SPTB: variants seen among roughly 807,000 people sequenced by gnomAD.
SPTB encodes spectrin beta, erythrocytic, also known as spectrin beta chain, erythrocytic.
In SPTB, 45 loss-of-function variants were observed where a neutral mutation model predicts 256.2. That is an observed-to-expected ratio of 0.18 (90% CI 0.14 to 0.23). SPTB has a LOEUF of 0.23. SPTB is among the 10% of genes least tolerant of loss of function. The probability of loss-of-function intolerance (pLI) is 1.00; values close to 1 mark genes in which losing one functional copy is unlikely to be tolerated. For synonymous variants in SPTB, 1,231 were observed against 1,243.1 expected, an observed-to-expected ratio of 0.99 and a Z score of 0.21; for missense variants, 2,715 against 3,040.4, an observed-to-expected ratio of 0.89 and a Z score of 2.52.
intron 2 of SPTB, among the ~76,000 whole-genome samples, chr14:64,811,380 C>T (rs1360718163): frequency 6.6e-6 from 1 of 152,188 alleles, no homozygotes; most frequent in Non-Finnish European, 1.5e-5. Context: ...CATGCAAACA[C>T]ACAATCTAAT....
intron 19 of SPTB, 113 bp downstream of exon 19, chr14:64,784,134 C>T (rs1191840760): frequency 1.4e-5 from 22 of 1,519,274 alleles, no homozygotes; most frequent in Non-Finnish European, 2.0e-5. Context: ...TGTTCGCTGC[C>T]ACGTTCTGTA....
chr14:64,848,542 T>C (rs2083729936), intron 1 of SPTB, among the ~76,000 whole-genome samples: 1 of 152,238 alleles, frequency 6.6e-6, no homozygotes, highest in Non-Finnish European at 1.5e-5. Flanking sequence ...AATAAACCTC[T>C]GATATTCAAT....
chr14:64,801,670 T>C (rs1279356654), intron 6 of SPTB, 84 bp downstream of exon 6: 2 of 1,374,110 alleles, frequency 1.5e-6, no homozygotes, highest in Non-Finnish European at 2.1e-6. Flanking sequence ...CACATTTCTG[T>C]GACTCCATGT....
chr14:64,798,040 A>G (rs551761002), intron 9 of SPTB, among the ~76,000 whole-genome samples, 194 bp from the exon 10 acceptor site: 1 of 152,322 alleles, frequency 6.6e-6, no homozygotes, highest in African/African-American at 2.4e-5. Context: ...ACCAACTGAG[A>G]TCTATTAGGG....
chr14:64,861,728 C>T (rs1057187704), intron 1 of SPTB, among the ~76,000 whole-genome samples: 9 of 152,200 alleles, frequency 5.9e-5, no homozygotes, highest in South Asian at 2.1e-4. Flanking sequence ...TTCTGCTCCT[C>T]GCCACGGCTT....
At position 64,820,183 on chromosome 14, in the gene SPTB, G is replaced by A. The variant is rs2083263512; in HGVS notation, c.148+2764C>T. Among the ~76,000 whole-genome samples, 5 of 152,284 alleles carry A rather than the reference G, an allele frequency of 3.3e-5. No homozygotes were observed. The South Asian group carries it at 1.0e-3, about 32-fold the overall frequency. The stretch of plus-strand genomic sequence containing the variant: ...CTTGCCTTAATATTCCTGTGAGTGG[G>A]AGAGTGGCTGAGAGCTCCTTCTCCC... On this transcript the variant is annotated intron_variant, in intron 2 of 35. Transcript: ENST00000644917.
At chr14:64,762,614 G>A (rs1229291233) in intron 32 of SPTB, among the ~76,000 whole-genome samples, 3 of 152,344 alleles carry the variant, frequency 2.0e-5, no homozygotes, top group African/African-American at 7.2e-5. Flanking sequence ...GGACCTAGGA[G>A]TCTCAGCTCC....
chr14:64,867,711 G>A lies in SPTB; in HGVS notation c.-52+12081C>T, dbSNP rs185326793. On this transcript the variant is annotated intron_variant, in intron 1 of 35. Transcript: ENST00000644917. The stretch of plus-strand genomic sequence containing the variant: ...TCTACTAAAAATACAAAAATTACCC[G>A]GGCATGGTGGCGGGCACCTGTAATC... Among the ~76,000 whole-genome samples the A allele has an allele frequency of 1.8e-4, 28 of 152,064 alleles. No homozygotes were observed. In the East Asian group the frequency reaches 2.1e-3, roughly 12 times the overall value.
At position 64,769,720 on chromosome 14, in the gene SPTB, G is replaced by A; in HGVS notation, c.5807C>T (p.Ser1936Phe). Residue 1936 changes from serine (S) to phenylalanine (F), a missense_variant, in exon 28 of 36, where the codon TCC becomes TTC. This residue lies in a region of SPTB where 2,239 missense variants were observed against 2,384.4 expected (regional missense o/e 0.94). Transcript: ENST00000644917. ...ATACTTCATGAGCAGTTCCACAGAG[G>A]AGACATCCCTGGGGGACAGGAGGAC... is the stretch of plus-strand genomic sequence containing the variant. ...IETQERPRDV[S>F]SVELLMKYHQ... 2 of 1,614,178 alleles carry A rather than the reference G, an allele frequency of 1.2e-6. No homozygotes were observed. The highest frequency in any genetic ancestry group is 1.7e-6 in the Non-Finnish European group (2 of 1,180,028).
In SPTB at chr14:64,806,392, T is replaced by C. The variant is rs566211382; in HGVS notation, c.149-1302A>G. On this transcript the variant is annotated intron_variant, in intron 2 of 35. Transcript: ENST00000644917. This position sits in a 1 kb window ranked among gnomAD's most constrained non-coding sequence, Gnocchi z 4.1. ...GGGTACATGGCAGTGGAGGGGGAGA[T>C]CACAGCCAGGACATACCTGGAGTGG... Among the ~76,000 whole-genome samples, 1 of 152,040 alleles carries C rather than the reference T, an allele frequency of 6.6e-6. No homozygotes were observed. Among genetic ancestry groups the C allele is most frequent in the South Asian group, 2.1e-4 (1 of 4,804 alleles).
chr14:64,834,854 C>T (rs2083499797), intron 1 of SPTB, among the ~76,000 whole-genome samples: 1 of 152,224 alleles, frequency 6.6e-6, no homozygotes, highest in African/African-American at 2.4e-5. Flanking sequence ...GGAAGCCCTA[C>T]CTTACTTAGT....
intron 1 of SPTB, among the ~76,000 whole-genome samples, chr14:64,872,125 A>G (rs1273873426): frequency 6.6e-6 from 1 of 152,192 alleles, no homozygotes; most frequent in Admixed American, 6.5e-5. Flanking sequence ...ATTCCAAGTC[A>G]ACACCTCGAC....
chr14:64,878,686 G>A (rs1326941162), intron 1 of SPTB, among the ~76,000 whole-genome samples: 1 of 152,138 alleles, frequency 6.6e-6, no homozygotes, highest in Non-Finnish European at 1.5e-5. Context: ...CCTCCAGGCA[G>A]GGGTTTTGCA....
chr14:64,830,376 A>ATATT (rs1487281349), intron 1 of SPTB, among the ~76,000 whole-genome samples: 60 of 32,050 alleles, frequency 1.9e-3, no homozygotes, highest in African/African-American at 0.013. Flanking sequence ...TATTATTATT[A>ATATT]TTATTTTATT....
rs1161333244 is a variant in SPTB, at chr14:64,785,534, C to T, written c.3855+3G>A. The stretch of plus-strand genomic sequence containing the variant: ...AAGCAGCCACTCCTTGCTGGAGCCT[C>T]ACCTCCTGGCAGTTCTGGAGGAAGT... On this transcript the variant is annotated splice_donor_region_variant and intron_variant, in intron 18 of 35. Coordinates refer to ENST00000644917, the MANE Select transcript of SPTB (RefSeq NM_001355436.2). The surrounding 1 kb of genome is among the most constrained non-coding windows in gnomAD (Gnocchi z 4.4). The T allele has an allele frequency of 2.8e-5, 45 of 1,611,394 alleles. No individual in the cohort carries two copies. The highest frequency in any genetic ancestry group is 3.7e-5 in the Non-Finnish European group (44 of 1,178,936).
At chr14:64,768,179 C>T (rs1217454313) in intron 29 of SPTB, 1 of 429,464 alleles carries the variant, frequency 2.3e-6, no homozygotes, top group Non-Finnish European at 4.4e-6. Context: ...GTGGCTGGGA[C>T]TATAGGTGTG....
intron 27 of SPTB, 71 bp downstream of exon 27, chr14:64,770,814 C>A: frequency 6.2e-7 from 1 of 1,609,134 alleles, no homozygotes. Flanking sequence ...AGCCACAGTG[C>A]AGCACCCTGG....
At chr14:64,879,573 G>A (rs977911605) in intron 1 of SPTB, among the ~76,000 whole-genome samples, 5 of 152,182 alleles carry the variant, frequency 3.3e-5, no homozygotes, top group African/African-American at 1.2e-4. Context: ...GCGCGTTCCC[G>A]CGTCCCGGGA....
Position 64,830,888 on chromosome 14 carries a change from T to C in SPTB, c.-51-7743A>G, listed in dbSNP as rs535248157. The stretch of plus-strand genomic sequence containing the variant: ...ATGGTGTCATGTGCCTTGACAACTT[T>C]ATTTATGTCACATCCCATACCCTGA... On this transcript the variant is annotated intron_variant, in intron 1 of 35. Coordinates refer to ENST00000644917, the MANE Select transcript of SPTB (RefSeq NM_001355436.2). Among the ~76,000 whole-genome samples, 15 of 152,340 alleles carry C rather than the reference T, an allele frequency of 9.8e-5. No homozygotes were observed. The South Asian group carries it at 3.1e-3, about 32-fold the overall frequency.
Sources: allele counts gnomAD v4.1 joint callset (sites outside exome capture counted in the v4.1 genomes callset), GRCh38; gene constraint gnomAD v4.1.1; regional missense constraint gnomAD v4.1.1; non-coding constraint Gnocchi (gnomAD v3.1); transcripts MANE v1.5; gene names NCBI Gene and HGNC (gene_info 2026-07-23, HGNC 2026-07-21).